HADHB: variants seen among roughly 807,000 people sequenced by gnomAD.
HADHB encodes trifunctional enzyme subunit beta, mitochondrial.
A neutral mutation model predicts 61.9 loss-of-function variants in HADHB; 50 were observed. That is an observed-to-expected ratio of 0.81 (90% CI 0.64 to 1.02). The LOEUF is 1.02. Among genes scored for constraint, HADHB ranks in the 50% least tolerant of loss-of-function variants. The pLI, the probability that HADHB is intolerant of heterozygous loss-of-function variation, is 0.00. For synonymous variants in HADHB, 191 were observed against 201.6 expected, an observed-to-expected ratio of 0.95 and a Z score of 0.45; for missense variants, 504 against 586.5, an observed-to-expected ratio of 0.86 and a Z score of 1.45.
rs558460146 is a variant in HADHB at position 26,251,190 on chromosome 2, T to C, written c.-8-3057T>C. 1.2e-4 allele frequency among the ~76,000 whole-genome samples: 18 copies of C among 151,938 alleles called. No homozygotes were observed. In the East Asian group the frequency reaches 3.3e-3, roughly 28 times the overall value. On this transcript the variant is annotated intron_variant, in intron 1 of 15. Transcript: ENST00000317799. ...TTATTGGTTCTTTCTAGAAAGTGTT[T>C]TGTTTGTTTTTTTTTGAGACAGGAT...
intron 2 of HADHB, 36 bp from the exon 3 acceptor site, chr2:26,254,394 T>C: frequency 1.9e-6 from 3 of 1,539,688 alleles, no homozygotes; most frequent in Non-Finnish European, 2.7e-6. Context: ...TACTGAATGG[T>C]ATTGCTTTTT....
intron 10 of HADHB, among the ~76,000 whole-genome samples, chr2:26,282,112 C>T (rs567114335): frequency 1.6e-4 from 24 of 151,548 alleles, no homozygotes; most frequent in Admixed American, 1.2e-3. Flanking sequence ...CTGTAAGCCA[C>T]GGGCAGAAAG....
chr2:26,258,918 G>A (rs1052742262), intron 3 of HADHB, among the ~76,000 whole-genome samples: 1 of 152,100 alleles, frequency 6.6e-6, no homozygotes, highest in Non-Finnish European at 1.5e-5. Context: ...TACAAGCCCC[G>A]TGTTTAAAGG....
At chr2:26,246,864 C>T (rs1399969251) in intron 1 of HADHB, among the ~76,000 whole-genome samples, 2 of 152,174 alleles carry the variant, frequency 1.3e-5, no homozygotes, top group Non-Finnish European at 2.9e-5. Flanking sequence ...ATTTGTATCA[C>T]CATCTCTACT....
intron 3 of HADHB, chr2:26,261,472 A>C (rs1311238187): frequency 6.2e-6 from 1 of 161,440 alleles, no homozygotes; most frequent in Non-Finnish European, 1.4e-5. Context: ...GTCACCTCAA[A>C]GTTAGCGAGT....
At chr2:26,275,766 G>C (rs1204213271) in intron 6 of HADHB, among the ~76,000 whole-genome samples, 1 of 152,202 alleles carries the variant, frequency 6.6e-6, no homozygotes, top group Non-Finnish European at 1.5e-5. Context: ...TCATGTTGCA[G>C]TTACATCACT....
chr2:26,287,300 A>G (rs909431471), intron 15 of HADHB, among the ~76,000 whole-genome samples: 3 of 152,228 alleles, frequency 2.0e-5, no homozygotes, highest in Admixed American at 6.5e-5. Flanking sequence ...GTTATTTATC[A>G]GTTGGAACAT....
rs150383102 is a variant in HADHB, at chr2:26,285,343, G to A, written c.1225-64G>A. On this transcript the variant is annotated intron_variant, in intron 14 of 15. Coordinates refer to ENST00000317799, the MANE Select transcript of HADHB (RefSeq NM_000183.3). ...TATCTCTCTTACTTCGTAGTACTAA[G>A]AGCCTAGCTTGATTCTGATCTTAAG... 9,201 of 1,401,290 alleles carry A rather than the reference G, an allele frequency of 6.6e-3. 39 individuals carry two copies. Among genetic ancestry groups the A allele is most frequent in the Non-Finnish European group, 7.5e-3 (7,371 of 987,652 alleles). 86.8% of individuals were successfully genotyped at this position (1,401,290 alleles called of 1,614,324 possible).
chr2:26,286,290 C>T (rs952352250), intron 15 of HADHB, among the ~76,000 whole-genome samples: 1 of 152,104 alleles, frequency 6.6e-6, no homozygotes, highest in African/African-American at 2.4e-5. Context: ...TATAAAATCT[C>T]TCCAAGAGAG....
At chr2:26,260,892 T>G in intron 3 of HADHB, 1 of 656,746 alleles carries the variant, frequency 1.5e-6, no homozygotes, top group South Asian at 1.8e-5. Flanking sequence ...GGCTTACGAA[T>G]GACATCAGTT....
intron 1 of HADHB, among the ~76,000 whole-genome samples, chr2:26,249,508 C>G (rs1429816943): frequency 6.6e-6 from 1 of 151,882 alleles, no homozygotes; most frequent in Non-Finnish European, 1.5e-5. Flanking sequence ...GAGACTCCGT[C>G]TCAAAAAAAT....
chr2:26,249,878 C>G (rs571084945), intron 1 of HADHB, among the ~76,000 whole-genome samples: 71 of 152,174 alleles, frequency 4.7e-4, no homozygotes, highest in African/African-American at 1.6e-3. Flanking sequence ...TGAGATTATT[C>G]TGATTGGTTT....
chr2:26,248,881 A>AC (rs1417523370), intron 1 of HADHB, among the ~76,000 whole-genome samples: 30 of 152,072 alleles, frequency 2.0e-4, no homozygotes, highest in African/African-American at 7.0e-4. Context: ...ACATGGTGAA[A>AC]CCCCATCTCT....
intron 3 of HADHB, among the ~76,000 whole-genome samples, chr2:26,258,887 T>C (rs111533769): frequency 0.014 from 2,152 of 152,296 alleles, 28 homozygotes; most frequent in Non-Finnish European, 0.022. Context: ...TACCACCTGA[T>C]TGGTCGAGTG....
chr2:26,255,355 C>T (rs555167616), intron 3 of HADHB, among the ~76,000 whole-genome samples: 4 of 152,166 alleles, frequency 2.6e-5, no homozygotes, highest in African/African-American at 9.6e-5. Flanking sequence ...CAAAAATTAG[C>T]TGGGCATGGT....
In HADHB at chr2:26,290,247, A is replaced by T. The variant is rs1673216196; in HGVS notation, c.*294A>T. Reference sequence around the variant, plus strand: ...ACTAAATGAGGGTTTGCAGTTGGGAAAGAGGTCAACTGAGATTTGGAAATC... The same window carrying T: ...ACTAAATGAGGGTTTGCAGTTGGGATAGAGGTCAACTGAGATTTGGAAATC... On this transcript the variant is annotated 3_prime_UTR_variant, in exon 16 of 16. Coordinates refer to ENST00000317799, the MANE Select transcript of HADHB (RefSeq NM_000183.3). 2.2e-6 allele frequency: 1 copy of T among 460,396 alleles called. No homozygotes were observed. 28.5% of individuals were successfully genotyped at this position (460,396 alleles called of 1,614,324 possible).
At chr2:26,261,998 G>A (rs1186642723) in intron 3 of HADHB, among the ~76,000 whole-genome samples, 1 of 151,898 alleles carries the variant, frequency 6.6e-6, no homozygotes, top group African/African-American at 2.4e-5. Context: ...ACATGCTTGG[G>A]TTTGCCACAG....
intron 3 of HADHB, 72 bp from the exon 4 acceptor site, chr2:26,263,308 A>T (rs1671935466): frequency 1.0e-6 from 1 of 990,718 alleles, no homozygotes; most frequent in South Asian, 1.4e-5. Flanking sequence ...TAAAAAAAAA[A>T]AAAAAAAGTA....
At chr2:26,254,546 GAATAAA>G in intron 3 of HADHB, 72 bp downstream of exon 3, 1 of 1,040,728 alleles carries the variant, frequency 9.6e-7, no homozygotes, top group Non-Finnish European at 1.5e-6. Context: ...TGTGAACTCT[GAATAAA>G]AACCAAAACT....
Sources: gnomAD v4.1 joint callset for allele counts (sites outside exome capture counted in the v4.1 genomes callset) on GRCh38, gnomAD v4.1.1 for gene constraint, MANE v1.5 for transcripts, NCBI Gene and HGNC (gene_info 2026-07-23, HGNC 2026-07-21) for gene names.